Variants in MITF observed in about 807,000 individuals in gnomAD.
MITF encodes the protein microphthalmia-associated transcription factor.
MITF carries 17 observed loss-of-function variants against 60.5 expected under a neutral mutation model. The observed-to-expected ratio is 0.28, with a 90% CI of 0.19 to 0.42. The LOEUF (loss-of-function observed/expected upper bound fraction) is 0.42, where lower values mean the gene tolerates loss of function less well. MITF is among the 10% of genes least tolerant of loss of function. The probability of loss-of-function intolerance (pLI) is 1.00; values close to 1 mark genes in which losing one functional copy is unlikely to be tolerated. For synonymous variants in MITF, 260 were observed against 248.5 expected, an observed-to-expected ratio of 1.05 and a Z score of -0.43; for missense variants, 622 against 683.5, an observed-to-expected ratio of 0.91 and a Z score of 1.00.
intron 1 of MITF, among the ~76,000 whole-genome samples, chr3:69,857,979 C>T (rs2063948545): frequency 6.6e-6 from 1 of 152,050 alleles, no homozygotes; most frequent in Non-Finnish European, 1.5e-5. Flanking sequence ...ACCAGCCTTA[C>T]CTGTTATATC....
intron 2 of MITF, among the ~76,000 whole-genome samples, chr3:69,915,849 A>G (rs1575954046): frequency 6.6e-6 from 1 of 151,988 alleles, no homozygotes; most frequent in Non-Finnish European, 1.5e-5. Flanking sequence ...CCTTTTCCTT[A>G]TCCTTTATCT....
chr3:69,963,969 T>TC (rs1347381022), intron 9 of MITF, among the ~76,000 whole-genome samples: 2 of 140,898 alleles, frequency 1.4e-5, no homozygotes, highest in African/African-American at 5.4e-5. Context: ...TTTTTTCTTT[T>TC]CTTTTTTTTT....
chr3:69,954,607 G>A lies in MITF; in HGVS notation c.956-1848G>A, dbSNP rs533552378. On this transcript the variant is annotated intron_variant, in intron 7 of 9. Transcript: ENST00000352241. The stretch of plus-strand genomic sequence containing the variant: ...GCTTGAGGAATAGCAAGGAGCCAGA[G>A]GGGCTAGAGTAATTTTATGATTATT... Among the ~76,000 whole-genome samples, 227 of 152,280 alleles carry A rather than the reference G, an allele frequency of 1.5e-3. 1 individual carries two copies. The highest frequency in any genetic ancestry group is 6.8e-3 in the Middle Eastern group (2 of 294).
At chr3:69,947,408 C>T (rs911347231) in intron 5 of MITF, among the ~76,000 whole-genome samples, 2 of 152,214 alleles carry the variant, frequency 1.3e-5, no homozygotes, top group East Asian at 1.9e-4. Context: ...TTTCACTTTG[C>T]GTTAAATTGG....
chr3:69,783,104 G>A (rs1489433229), intron 1 of MITF, among the ~76,000 whole-genome samples: 4 of 152,166 alleles, frequency 2.6e-5, no homozygotes, highest in Admixed American at 2.0e-4. Context: ...TTTCCAGGAG[G>A]TGGAAATTCT....
chr3:69,947,329 C>T (rs1043559048), intron 5 of MITF, among the ~76,000 whole-genome samples: 1 of 152,174 alleles, frequency 6.6e-6, no homozygotes, highest in Non-Finnish European at 1.5e-5. Flanking sequence ...AGTTACCAGA[C>T]ATCATGGCAG....
rs80171929 is a variant in MITF, at chr3:69,809,675, C to A, written c.105-69459C>A. On this transcript the variant is annotated intron_variant, in intron 1 of 9. Coordinates refer to ENST00000352241, the MANE Select transcript of MITF (RefSeq NM_001354604.2). Reference sequence around the variant, plus strand: ...AGACTTGCTATTGCGTATAACATAGCATCAGGCTGACAATGGTATTTAAAT... The same window carrying A: ...AGACTTGCTATTGCGTATAACATAGAATCAGGCTGACAATGGTATTTAAAT... Among the ~76,000 whole-genome samples the A allele has an allele frequency of 8.4e-4, 126 of 149,172 alleles. 2 individuals are homozygous for A. The East Asian group carries it at 0.024, about 28-fold the overall frequency.
chr3:69,761,751 G>C (rs2062215478), intron 1 of MITF, among the ~76,000 whole-genome samples: 1 of 152,172 alleles, frequency 6.6e-6, no homozygotes, highest in South Asian at 2.1e-4. Flanking sequence ...CTCCAAGAAA[G>C]GTAGGAAAAG....
At chr3:69,911,653 A>G (rs1388705362) in intron 2 of MITF, among the ~76,000 whole-genome samples, 1 of 152,224 alleles carries the variant, frequency 6.6e-6, no homozygotes, top group Non-Finnish European at 1.5e-5. Context: ...AAGGCAAAGA[A>G]TATGCATAGA....
At chr3:69,893,127 T>C (rs1376810121) in intron 2 of MITF, among the ~76,000 whole-genome samples, 1 of 152,222 alleles carries the variant, frequency 6.6e-6, no homozygotes, top group Non-Finnish European at 1.5e-5. Flanking sequence ...CAGATGATAC[T>C]GATTGCCTTC....
chr3:69,936,749 CT>C (rs770430369), intron 2 of MITF: 1 of 1,613,218 alleles, frequency 6.2e-7, no homozygotes, highest in East Asian at 2.2e-5. Flanking sequence ...AATATAATCA[CT>C]ATCAGGTGAG....
At chr3:69,829,463 A>T (rs1411537381) in intron 1 of MITF, among the ~76,000 whole-genome samples, 1 of 152,132 alleles carries the variant, frequency 6.6e-6, no homozygotes, top group African/African-American at 2.4e-5. Context: ...GTGACTTTTG[A>T]TCCACTTTTT....
intron 9 of MITF, among the ~76,000 whole-genome samples, chr3:69,963,377 T>G (rs1264608702): frequency 3.9e-5 from 6 of 152,222 alleles, no homozygotes; most frequent in Admixed American, 3.9e-4. Context: ...CTACCCAAAT[T>G]TTTTACTTCA....
chr3:69,812,906 A>C (rs1397735121), intron 1 of MITF, among the ~76,000 whole-genome samples: 3 of 151,912 alleles, frequency 2.0e-5, no homozygotes, highest in African/African-American at 7.3e-5. Context: ...AGGTCTTTCC[A>C]GCAGTAAAAT....
At chr3:69,842,374 G>A (rs947560105) in intron 1 of MITF, among the ~76,000 whole-genome samples, 1 of 152,132 alleles carries the variant, frequency 6.6e-6, no homozygotes, top group African/African-American at 2.4e-5. Context: ...TAATTTAAGC[G>A]ATACATTAAT....
In MITF at chr3:69,965,713, A is replaced by G. The variant is rs1576072758; in HGVS notation, c.*465A>G. On this transcript the variant is annotated 3_prime_UTR_variant, in exon 10 of 10. Transcript: ENST00000352241. ...ATACTAACCCTTTTCCATTTTATAA[A>G]TGTATTGATTCATTGGTACTGCCTT... 1 of 243,478 alleles carries G rather than the reference A, an allele frequency of 4.1e-6. No individual in the cohort carries two copies. The highest frequency in any genetic ancestry group is 5.9e-5 in the East Asian group (1 of 16,844). 15.1% of individuals were successfully genotyped at this position (243,478 alleles called of 1,614,324 possible).
At chr3:69,947,509 TAATC>T (rs1484709073) in intron 5 of MITF, among the ~76,000 whole-genome samples, 1 of 152,208 alleles carries the variant, frequency 6.6e-6, no homozygotes, top group East Asian at 1.9e-4. Context: ...TGACAGCTAA[TAATC>T]AAAGTCACTT....
rs2107479282 is a variant in MITF at position 69,937,946 on chromosome 3, G to A, written c.479G>A (p.Cys160Tyr). 1 of 1,614,160 alleles carries A rather than the reference G, an allele frequency of 6.2e-7. No individual in the cohort carries two copies. The highest frequency in any genetic ancestry group is 2.2e-5 in the East Asian group (1 of 44,852). ...KHANQVLSLPCPNQPGDHVMP... is the reference protein window; with the variant it reads ...KHANQVLSLPYPNQPGDHVMP... ...GCCAACCAAGTCCTGAGCTTGCCATGTCCAAACCAGCCTGGCGATCATGTC... is the reference window on the plus strand; with the variant it reads ...GCCAACCAAGTCCTGAGCTTGCCATATCCAAACCAGCCTGGCGATCATGTC... The change falls in exon 3 of 10, where the codon TGT (cysteine) becomes TAT (tyrosine). Residue 160 changes from cysteine (C) to tyrosine (Y), a missense_variant. This residue lies in a region of MITF where 215 missense variants were observed against 224.8 expected (regional missense o/e 0.96). Transcript: ENST00000352241.
intron 5 of MITF, among the ~76,000 whole-genome samples, chr3:69,948,443 G>A (rs745677770): frequency 2.0e-5 from 3 of 149,892 alleles, no homozygotes; most frequent in Non-Finnish European, 4.4e-5. Flanking sequence ...GTAAATTTTT[G>A]CTCTCTTTTA....
Sources: gnomAD v4.1 joint callset for allele counts (sites outside exome capture counted in the v4.1 genomes callset) on GRCh38, gnomAD v4.1.1 for gene constraint, gnomAD v4.1.1 regional missense constraint, MANE v1.5 for transcripts, NCBI Gene and HGNC (gene_info 2026-07-23, HGNC 2026-07-21) for gene names.